Variants in GFM1 observed in about 807,000 individuals in gnomAD.
The protein encoded by GFM1 is G elongation factor mitochondrial 1, also known as elongation factor G, mitochondrial.
In GFM1, 62 loss-of-function variants were observed where a neutral mutation model predicts 96.2. The observed-to-expected ratio is 0.64, with a 90% confidence interval of 0.53 to 0.80. The LOEUF is 0.80. GFM1 is among the 30% of genes least tolerant of loss of function. GFM1 has a pLI of 0.00. For synonymous variants in GFM1, 282 were observed against 312.9 expected (o/e 0.90, Z 1.04); for missense variants, 852 against 916.6 (o/e 0.93, Z 0.91).
intron 10 of GFM1, among the ~76,000 whole-genome samples, chr3:158,661,515 T>C (rs147520845): frequency 1.7e-4 from 26 of 152,340 alleles, no homozygotes; most frequent in African/African-American, 6.3e-4. Context: ...GTCTGACTTA[T>C]ATAAATAGCC....
intron 8 of GFM1, chr3:158,657,546 G>A (rs1312618506): frequency 1.3e-5 from 2 of 152,040 alleles, no homozygotes; most frequent in Non-Finnish European, 1.5e-5. Flanking sequence ...TTGTATAGTC[G>A]AATATGTCAG....
intron 11 of GFM1, among the ~76,000 whole-genome samples, chr3:158,664,692 C>G (rs1205942604): frequency 6.6e-6 from 1 of 152,218 alleles, no homozygotes; most frequent in Non-Finnish European, 1.5e-5. Flanking sequence ...TGATAACAAT[C>G]TCCCCATCTC....
At chr3:158,677,337 A>C (rs1724987676) in intron 13 of GFM1, among the ~76,000 whole-genome samples, 1 of 152,230 alleles carries the variant, frequency 6.6e-6, no homozygotes, top group Non-Finnish European at 1.5e-5. Flanking sequence ...TTGCAGAAGA[A>C]AAGTTTGAAG....
intron 13 of GFM1, chr3:158,666,944 C>A (rs56321207): frequency 0.15 from 229,692 of 1,545,516 alleles, 18,166 homozygotes; most frequent in African/African-American, 0.23. Context: ...ATTAATAAAG[C>A]ATACTGTGGC....
rs777430995 is a variant in GFM1 at position 158,646,846 on chromosome 3, T to C, written c.471T>C (p.Thr157=). 3 of 1,614,192 alleles carry C rather than the reference T, an allele frequency of 1.9e-6. No homozygotes were observed. In the South Asian group the frequency reaches 3.3e-5, roughly 18 times the overall value. The part of the protein sequence containing the change: ...AVGGVQCQTM[T]VNRQMKRYNV... ...GAGGGGTACAGTGCCAGACCATGAC[T>C]GTCAATCGTCAGATGAAGCGCTACA... Residue 157 remains threonine (T), a synonymous_variant, in exon 4 of 18, where the codon ACT becomes ACC. Coordinates refer to ENST00000486715, the MANE Select transcript of GFM1 (RefSeq NM_024996.7).
At chr3:158,658,816 TA>T (rs1722967191) in intron 8 of GFM1, 105 bp from the exon 9 acceptor site, 19 of 1,202,862 alleles carry the variant, frequency 1.6e-5, no homozygotes, top group Non-Finnish European at 2.2e-5. Context: ...GATAGATTAC[TA>T]AAATTGGTAG....
At chr3:158,687,385 G>A (rs2108110248) in intron 15 of GFM1, among the ~76,000 whole-genome samples, 1 of 152,170 alleles carries the variant, frequency 6.6e-6, no homozygotes, top group East Asian at 1.9e-4. Context: ...TTACATTGCT[G>A]TTTCTTCATC....
At chr3:158,685,677 C>T (rs1346315254) in intron 15 of GFM1, among the ~76,000 whole-genome samples, 1 of 151,986 alleles carries the variant, frequency 6.6e-6, no homozygotes, top group Non-Finnish European at 1.5e-5. Context: ...AGGGAGATTT[C>T]CTTTATATCA....
In GFM1 at chr3:158,644,534, C is replaced by A; in HGVS notation, c.-101C>A. On this transcript the variant is annotated 5_prime_UTR_variant, in exon 1 of 18. Transcript: ENST00000486715. Reference sequence around the variant, plus strand: ...GTCCTTTGCCCCGGAAGTGCTCTTACAACATTGGCTGCCGGCGTGACTTTG... The same window carrying A: ...GTCCTTTGCCCCGGAAGTGCTCTTAAAACATTGGCTGCCGGCGTGACTTTG... 1 of 925,988 alleles carries A rather than the reference C, an allele frequency of 1.1e-6. No homozygotes were observed. The highest frequency in any genetic ancestry group is 1.7e-6 in the Non-Finnish European group (1 of 585,402). 57.4% of individuals were successfully genotyped at this position (925,988 alleles called of 1,614,324 possible). A position where few individuals can be genotyped will look rare whatever the true frequency, so the allele number is the denominator to read the frequency against.
intron 14 of GFM1, 133 bp downstream of exon 14, chr3:158,682,290 T>C (rs965479954): frequency 2.7e-6 from 2 of 741,702 alleles, no homozygotes; most frequent in South Asian, 1.6e-5. Flanking sequence ...CTCTGATTGT[T>C]AAGCTTTCCA....
At chr3:158,687,173 T>TTTA (rs1560145709) in intron 15 of GFM1, among the ~76,000 whole-genome samples, 3 of 151,864 alleles carry the variant, frequency 2.0e-5, no homozygotes, top group African/African-American at 4.8e-5. Flanking sequence ...TGGCTAATTT[T>TTTA]TTATTATTAT....
At chr3:158,672,523 C>T (rs1263107009) in intron 13 of GFM1, 1 of 1,610,030 alleles carries the variant, frequency 6.2e-7, no homozygotes, top group South Asian at 1.1e-5. Context: ...TCTGGCTTAA[C>T]GGGACCAGTA....
chr3:158,668,972 G>A (rs774650899), intron 13 of GFM1: 2 of 1,562,206 alleles, frequency 1.3e-6, no homozygotes, highest in African/African-American at 1.4e-5. Context: ...CCCATTAATA[G>A]TGTATTTTAT....
At chr3:158,673,067 A>G (rs1724517754) in intron 13 of GFM1, among the ~76,000 whole-genome samples, 1 of 152,154 alleles carries the variant, frequency 6.6e-6, no homozygotes, top group Non-Finnish European at 1.5e-5. Flanking sequence ...ATGAGAGTCC[A>G]GGAAGAGGCT....
In GFM1 at chr3:158,646,831, G is replaced by A; in HGVS notation, c.456G>A (p.Gln152=). 6.2e-7 allele frequency: 1 copy of A among 1,614,178 alleles called. No homozygotes were observed. Among genetic ancestry groups the A allele is most frequent in the Non-Finnish European group, 8.5e-7 (1 of 1,180,006 alleles). ...TTCTCTGTGCTGTTGGAGGGGTACA[G>A]TGCCAGACCATGACTGTCAATCGTC... ...VLVLCAVGGV[Q]CQTMTVNRQM... The change falls in exon 4 of 18, where the codon CAG becomes CAA. Residue 152 remains glutamine, a synonymous_variant. Transcript: ENST00000486715.
In GFM1 at chr3:158,652,501, G is replaced by A. The variant is rs761568414; in HGVS notation, c.840+255G>A. 9.1e-4 allele frequency among the ~76,000 whole-genome samples: 139 copies of A among 152,232 alleles called. 1 individual carries two copies. The Middle Eastern group carries it at 0.014, about 15-fold the overall frequency. ...GGACCTGATTTTAGTCTCTATTAGA[G>A]CCAGCACTCCAAAGAGTGTCAGTTC... On this transcript the variant is annotated intron_variant, in intron 6 of 17. Transcript: ENST00000486715.
chr3:158,664,851 C>T (rs1050947670), intron 11 of GFM1, among the ~76,000 whole-genome samples: 1 of 152,174 alleles, frequency 6.6e-6, no homozygotes, highest in African/African-American at 2.4e-5. Flanking sequence ...AAAAAGGGTA[C>T]ATCATACCAC....
chr3:158,646,176 A>C lies in GFM1; in HGVS notation c.246A>C (p.Lys82Asn). The C allele has an allele frequency of 1.9e-6, 3 of 1,614,206 alleles. No individual in the cohort carries two copies. The highest frequency in any genetic ancestry group is 2.5e-6 in the Non-Finnish European group (3 of 1,180,028). ...GTGCTTGTGTTTAGGTGAAAGGTAA[A>C]GATGGAGTTGGTGCTGTCATGGATT... ...RIAKMHEVKG[K>N]DGVGAVMDSM... The change falls in exon 3 of 18, where the codon AAA (lysine) becomes AAC (asparagine). Residue 82 changes from lysine (K) to asparagine (N), a missense_variant. Lys to Asn is a moderately conservative substitution (Grantham distance 94, BLOSUM62 0). Coordinates refer to ENST00000486715, the MANE Select transcript of GFM1 (RefSeq NM_024996.7).
intron 10 of GFM1, among the ~76,000 whole-genome samples, chr3:158,661,495 C>T (rs541523872): frequency 6.6e-6 from 1 of 152,170 alleles, no homozygotes; most frequent in African/African-American, 2.4e-5. Context: ...AGGCAATATG[C>T]AACTACAGAG....
Sources: gnomAD v4.1 joint callset for allele counts (sites outside exome capture counted in the v4.1 genomes callset) on GRCh38, gnomAD v4.1.1 for gene constraint, MANE v1.5 for transcripts, NCBI Gene and HGNC (gene_info 2026-07-23, HGNC 2026-07-21) for gene names.